Variants in ALPK3 observed in about 807,000 individuals in gnomAD.
ALPK3 encodes the protein alpha-protein kinase 3.
A neutral mutation model predicts 140.0 loss-of-function variants in ALPK3; 102 were observed. That is an observed-to-expected ratio of 0.73 (90% CI 0.62 to 0.86). The LOEUF is 0.86. Ranked by LOEUF, ALPK3 falls within the 40% of genes least tolerant of loss-of-function variation. The pLI, the probability that ALPK3 is intolerant of heterozygous loss-of-function variation, is 0.00. For synonymous variants in ALPK3, 938 were observed against 898.5 expected, an observed-to-expected ratio of 1.04 and a Z score of -0.79; for missense variants, 2,254 against 2,208.2, an observed-to-expected ratio of 1.02 and a Z score of -0.42.
chr15:84,860,603 A>G (rs1963932780), intron 9 of ALPK3, among the ~76,000 whole-genome samples: 1 of 152,258 alleles, frequency 6.6e-6, no homozygotes, highest in African/African-American at 2.4e-5. Flanking sequence ...CTCCTACAAG[A>G]GACAGGCTAA....
At chr15:84,865,093 C>A (rs1230128723) in intron 12 of ALPK3, among the ~76,000 whole-genome samples, 2 of 152,174 alleles carry the variant, frequency 1.3e-5, no homozygotes, top group Non-Finnish European at 2.9e-5. Flanking sequence ...GTCTCTCCTC[C>A]TCCTCCATCT....
rs751953827 is a variant in ALPK3, at chr15:84,863,597, G to A, written c.4456G>A (p.Ala1486Thr). Reference sequence around the variant, plus strand: ...GAGTCGGGAGTACTGCAAAATCTTCGCAGCAGAAGCCCGGGCCGCGCCTGG... The same window carrying A: ...GAGTCGGGAGTACTGCAAAATCTTCACAGCAGAAGCCCGGGCCGCGCCTGG... ...NMSREYCKIFAAEARAAPGFG... is the reference protein window; with the variant it reads ...NMSREYCKIFTAEARAAPGFG... Residue 1486 changes from alanine (A) to threonine (T), a missense_variant, in exon 11 of 14, where the codon GCA becomes ACA. Transcript: ENST00000258888. 16 of 1,613,938 alleles carry A rather than the reference G, an allele frequency of 9.9e-6. No individual in the cohort carries two copies. Among genetic ancestry groups the A allele is most frequent in the East Asian group, 4.5e-5 (2 of 44,884 alleles).
chr15:84,865,785 C>T lies in ALPK3; in HGVS notation c.4723+1120C>T, dbSNP rs112955923. ...ACCAGCCTGGCCAACACAGCAAAAC[C>T]CCATCTCTGCTAAAAATACAAAAAT... On this transcript the variant is annotated intron_variant, in intron 12 of 13. Transcript: ENST00000258888. 9.5e-3 allele frequency among the ~76,000 whole-genome samples: 1,441 copies of T among 152,206 alleles called. 24 individuals are homozygous for T. Among genetic ancestry groups the T allele is most frequent in the African/African-American group, 0.033 (1,385 of 41,532 alleles).
intron 5 of ALPK3, among the ~76,000 whole-genome samples, chr15:84,849,505 T>A (rs1963776832): frequency 6.6e-6 from 1 of 152,194 alleles, no homozygotes; most frequent in Non-Finnish European, 1.5e-5. Flanking sequence ...ATAGATTATA[T>A]CCTGGACCAT....
chr15:84,827,563 G>A lies in ALPK3; in HGVS notation c.262G>A (p.Val88Met). 6.2e-7 allele frequency: 1 copy of A among 1,614,190 alleles called. No individual in the cohort carries two copies. The highest frequency in any genetic ancestry group is 8.5e-7 in the Non-Finnish European group (1 of 1,180,034). Residue 88 changes from valine (V) to methionine (M), a missense_variant, in exon 3 of 14, where the codon GTG becomes ATG. Physicochemically the swap from Val to Met is conservative, Grantham distance 21 (BLOSUM62 1). Transcript: ENST00000258888. ...LFETTLKSRSVSEDSDVRFTC... is the reference protein window; with the variant it reads ...LFETTLKSRSMSEDSDVRFTC... ...TGAGACCACGCTCAAGTCCCGGTCT[G>A]TGTCCGAGGACAGCGACGTCAGGTT...
At chr15:84,839,237 T>A in intron 4 of ALPK3, 140 bp downstream of exon 4, 1 of 730,534 alleles carries the variant, frequency 1.4e-6, no homozygotes, top group Non-Finnish European at 2.2e-6. Flanking sequence ...TGCTGTGTGG[T>A]TGAACCACCT....
rs754948681 is a variant in ALPK3 at position 84,858,241 on chromosome 15, T to C, written c.3503T>C (p.Phe1168Ser). 1 of 1,608,822 alleles carries C rather than the reference T, an allele frequency of 6.2e-7. No individual in the cohort carries two copies. Among genetic ancestry groups the C allele is most frequent in the Admixed American group, 1.7e-5 (1 of 59,420 alleles). The change falls in exon 6 of 14, where the codon TTT (phenylalanine) becomes TCT (serine). Residue 1168 changes from phenylalanine to serine, a missense_variant. Phe to Ser is a radical substitution (Grantham distance 155). Coordinates refer to ENST00000258888, the MANE Select transcript of ALPK3 (RefSeq NM_020778.5). Reference protein sequence around the residue: ...ELALGARRKRFLPKVRAAGDG... With the variant: ...ELALGARRKRSLPKVRAAGDG... ...GCTCTAGGGGCCCGGAGGAAGAGATTTCTCCCTAAGGTCAGAGCAGCAGGA... is the reference window on the plus strand; with the variant it reads ...GCTCTAGGGGCCCGGAGGAAGAGATCTCTCCCTAAGGTCAGAGCAGCAGGA...
In ALPK3 at chr15:84,840,712, T is replaced by A. The variant is rs1263109759; in HGVS notation, c.1433T>A (p.Phe478Tyr). 4.3e-6 allele frequency: 7 copies of A among 1,613,178 alleles called. No homozygotes were observed. Among genetic ancestry groups the A allele is most frequent in the Non-Finnish European group, 5.9e-6 (7 of 1,179,594 alleles). The change falls in exon 5 of 14, where the codon TTC (phenylalanine) becomes TAC (tyrosine). Residue 478 changes from phenylalanine to tyrosine, a missense_variant. Transcript: ENST00000258888. ...HSLTPQPTRP[F>Y]NRKRFAPPKP... ...TTGACCCCCCAGCCGACTAGGCCTTTCAACAGAAAGAGATTTGCCCCTCCA... is the reference window on the plus strand; with the variant it reads ...TTGACCCCCCAGCCGACTAGGCCTTACAACAGAAAGAGATTTGCCCCTCCA...
At chr15:84,851,057 G>A (rs1456062055) in intron 5 of ALPK3, among the ~76,000 whole-genome samples, 2 of 152,166 alleles carry the variant, frequency 1.3e-5, no homozygotes, top group Non-Finnish European at 1.5e-5. Flanking sequence ...TCACAGATTA[G>A]CAGATGACAT....
intron 3 of ALPK3, among the ~76,000 whole-genome samples, chr15:84,835,691 C>T (rs1342322768): frequency 6.6e-6 from 1 of 152,082 alleles, no homozygotes; most frequent in Admixed American, 6.6e-5. Context: ...TGAGGGGAAG[C>T]GGGAGATCAG....
intron 12 of ALPK3, among the ~76,000 whole-genome samples, chr15:84,866,347 A>G (rs1964003607): frequency 6.6e-6 from 1 of 152,234 alleles, no homozygotes; most frequent in African/African-American, 2.4e-5. Context: ...GGTCATTACT[A>G]TCCTCACCTT....
chr15:84,858,386 G>T lies in ALPK3; in HGVS notation c.3648G>T (p.Thr1216=), dbSNP rs548203307. 5 of 1,554,458 alleles carry T rather than the reference G, an allele frequency of 3.2e-6. No homozygotes were observed. In the South Asian group the frequency reaches 4.7e-5, roughly 15 times the overall value. The change falls in exon 6 of 14, where the codon ACG becomes ACT. Residue 1216 remains threonine, a synonymous_variant. Transcript: ENST00000258888. ...GTPGRERRSP[T]QGRKASMLEV... is the part of the protein sequence containing the mutation. ...CAGGGCGGGAGAGACGCTCCCCTAC[G>T]CAGGGCAGAAAGGCGAGCATGCTGG...
chr15:84,862,796 G>C lies in ALPK3; in HGVS notation c.4291G>C (p.Gly1431Arg). Residue 1431 changes from glycine (G) to arginine (R), a missense_variant, in exon 10 of 14, where the codon GGG (glycine) becomes CGG (arginine). This residue lies in a region of ALPK3 where 2,088 missense variants were observed against 2,022.9 expected (regional missense o/e 1.03). Transcript: ENST00000258888. ...RKASQAKVIY[G>R]LEPIFESGRT... is the part of the protein sequence containing the mutation. Reference sequence around the variant, plus strand: ...GGCCTCCCAGGCCAAGGTCATCTACGGGCTGGAACCCATCTTCGAGTCGGG... The same window carrying C: ...GGCCTCCCAGGCCAAGGTCATCTACCGGCTGGAACCCATCTTCGAGTCGGG... The C allele has an allele frequency of 6.2e-7, 1 of 1,614,098 alleles. No homozygotes were observed. The highest frequency in any genetic ancestry group is 1.1e-5 in the South Asian group (1 of 91,080).
intron 3 of ALPK3, among the ~76,000 whole-genome samples, chr15:84,833,795 A>G (rs1963568935): frequency 6.6e-6 from 1 of 152,034 alleles, no homozygotes; most frequent in Non-Finnish European, 1.5e-5. Flanking sequence ...GGTTCTTCCA[A>G]CTCACAGTAG....
intron 12 of ALPK3, 120 bp from the exon 13 acceptor site, chr15:84,867,197 C>A (rs932101709): frequency 1.1e-5 from 10 of 876,310 alleles, no homozygotes; most frequent in Middle Eastern, 3.2e-4. Context: ...GTTCTAAGCC[C>A]CCATGTCTCC....
Position 84,840,815 on chromosome 15 carries a change from C to G in ALPK3, c.1536C>G (p.Ser512Arg). Residue 512 changes from serine (S) to arginine (R), a missense_variant, in exon 5 of 14, where the codon AGC (serine) becomes AGG (arginine). By Grantham distance (110) the Ser-to-Arg change is moderately radical. Transcript: ENST00000258888. ...AAGCTCCAGAATGCGGGGCCCAGAG[C>G]TTAGGAAAGGCCCCACCTCAGGCCT... ...LSQAPECGAQ[S>R]LGKAPPQASV... 2 of 1,614,242 alleles carry G rather than the reference C, an allele frequency of 1.2e-6. No homozygotes were observed. The highest frequency in any genetic ancestry group is 1.7e-6 in the Non-Finnish European group (2 of 1,180,036).
chr15:84,839,561 T>C, intron 4 of ALPK3, 141 bp from the exon 5 acceptor site: 1 of 930,492 alleles, frequency 1.1e-6, no homozygotes, highest in Non-Finnish European at 1.6e-6. Flanking sequence ...TGTTGTGACG[T>C]GTGAGATGGG....
chr15:84,821,926 TG>T (rs1963429550), intron 1 of ALPK3, among the ~76,000 whole-genome samples: 1 of 152,128 alleles, frequency 6.6e-6, no homozygotes, highest in African/African-American at 2.4e-5. Flanking sequence ...CAGGAAGGAC[TG>T]TTCATGCTGA....
rs752749949 is a variant in ALPK3, at chr15:84,858,223, G to T, written c.3485G>T (p.Gly1162Val). Residue 1162 changes from glycine to valine, a missense_variant, in exon 6 of 14, where the codon GGG (glycine) becomes GTG (valine). Around this residue, in one of 3 missense-constraint regions of ALPK3, gnomAD observed 2,088 missense variants for 2,022.9 expected, o/e 1.03. Transcript: ENST00000258888. ...GCTACACCTGAGGAACTGGCTCTAG[G>T]GGCCCGGAGGAAGAGATTTCTCCCT... ...PAATPEELAL[G>V]ARRKRFLPKV... 6.2e-7 allele frequency: 1 copy of T among 1,611,328 alleles called. No individual in the cohort carries two copies. The highest frequency in any genetic ancestry group is 2.2e-5 in the East Asian group (1 of 44,698).
Sources: gnomAD v4.1 joint callset for allele counts (sites outside exome capture counted in the v4.1 genomes callset) on GRCh38, gnomAD v4.1.1 for gene constraint, gnomAD v4.1.1 regional missense constraint, MANE v1.5 for transcripts, NCBI Gene and HGNC (gene_info 2026-07-23, HGNC 2026-07-21) for gene names.